RIMKLB: variants seen among roughly 807,000 people sequenced by gnomAD.
RIMKLB encodes beta-citrylglutamate synthase B.
RIMKLB carries 7 observed loss-of-function variants against 32.0 expected under a neutral mutation model. The ratio of observed to expected loss-of-function variants is 0.22; its 90% CI spans 0.12 to 0.41. The LOEUF is 0.41. RIMKLB is among the 10% of genes least tolerant of loss of function. RIMKLB has a pLI of 1.00. For synonymous variants in RIMKLB, 172 were observed against 185.1 expected (o/e 0.93, Z 0.57); for missense variants, 289 against 498.7 (o/e 0.58, Z 4.00).
chr12:8,718,659 A>ATGTGTGTGTG (rs1213938637), intron 2 of RIMKLB, among the ~76,000 whole-genome samples: 206 of 119,338 alleles, frequency 1.7e-3, no homozygotes, highest in African/African-American at 6.4e-3. Flanking sequence ...CTCTCTATAT[A>ATGTGTGTGTG]TATATATATA....
At chr12:8,733,098 T>A (rs917824353) in intron 2 of RIMKLB, among the ~76,000 whole-genome samples, 3 of 152,096 alleles carry the variant, frequency 2.0e-5, no homozygotes, top group Non-Finnish European at 2.9e-5. Flanking sequence ...GAATTGTGAT[T>A]TAGAAATACC....
chr12:8,698,867 G>A (rs1364288053), intron 1 of RIMKLB, among the ~76,000 whole-genome samples: 1 of 152,122 alleles, frequency 6.6e-6, no homozygotes, highest in Non-Finnish European at 1.5e-5. Flanking sequence ...CTCTGAATGA[G>A]AAGGGGATGA....
chr12:8,669,754 G>A, the RIMKLB span, among the ~76,000 whole-genome samples: 1 of 152,072 alleles, frequency 6.6e-6, no homozygotes, highest in African/African-American at 2.4e-5. Flanking sequence ...TCGGCTGGGT[G>A]CGGTGGCTCA....
In RIMKLB at chr12:8,718,663, A is replaced by ATGTGTG. The variant is rs1379997821; in HGVS notation, c.175+4623_175+4624insGTGTGT. Among the ~76,000 whole-genome samples the ATGTGTG allele has an allele frequency of 7.9e-4, 92 of 116,116 alleles. 1 individual carries two copies. Among genetic ancestry groups the ATGTGTG allele is most frequent in the Middle Eastern group, 4.4e-3 (1 of 226 alleles). 76.2% of individuals were successfully genotyped at this position (116,116 alleles called of 152,430 possible). On this transcript the variant is annotated intron_variant, in intron 2 of 5. Transcript: ENST00000535829. The stretch of plus-strand genomic sequence containing the variant: ...TCTCTCTCTCTCTCTCTATATATAT[A>ATGTGTG]TATATATGTGTGTGTGTGTGTGTGT...
chr12:8,698,280 A>G lies in RIMKLB; in HGVS notation c.-74A>G. 1 of 356,318 alleles carries G rather than the reference A, an allele frequency of 2.8e-6. No homozygotes were observed. The highest frequency in any genetic ancestry group is 1.9e-5 in the South Asian group (1 of 53,454). The allele number at this position is 356,318 out of a possible 1,614,324, so 22.1% of individuals were successfully genotyped here. A position where few individuals can be genotyped will look rare whatever the true frequency, so the allele number is the denominator to read the frequency against. ...CGGCTCAGTCGGCCGAGAGCGAGGG[A>G]GGAGCCCCCCGACCCAGGTGAGCGG... On this transcript the variant is annotated 5_prime_UTR_variant, in exon 1 of 6. Coordinates refer to ENST00000535829, the MANE Select transcript of RIMKLB (RefSeq NM_001297776.2).
intron 2 of RIMKLB, among the ~76,000 whole-genome samples, chr12:8,725,707 A>G (rs1445423174): frequency 6.6e-6 from 1 of 152,208 alleles, no homozygotes; most frequent in Non-Finnish European, 1.5e-5. Flanking sequence ...TTAACCATCT[A>G]TGTTCAGGTA....
intron 1 of RIMKLB, among the ~76,000 whole-genome samples, chr12:8,710,965 CAAAAAAA>C (rs748394546): frequency 0.014 from 892 of 65,780 alleles, 15 homozygotes; most frequent in African/African-American, 0.041. Context: ...ACATCTTTAC[CAAAAAAA>C]AAAAAAAAAA....
At chr12:8,700,337 C>T (rs930979239) in intron 1 of RIMKLB, 3 of 152,150 alleles carry the variant, frequency 2.0e-5, no homozygotes, top group African/African-American at 7.2e-5. Context: ...TTTGTATCCA[C>T]CTAGGATTTG....
In RIMKLB at chr12:8,774,360, G is replaced by A. The variant is rs1464410330; in HGVS notation, c.*576G>A. 1.0e-6 allele frequency: 1 copy of A among 985,734 alleles called. No individual in the cohort carries two copies. The highest frequency in any genetic ancestry group is 1.2e-6 in the Non-Finnish European group (1 of 830,012). 61.1% of individuals were successfully genotyped at this position (985,734 alleles called of 1,614,324 possible). ...TGTTTTTTCCCGCTTAATTTGGTGG[G>A]AGGTCAAATTGAATATAACCCAATA... On this transcript the variant is annotated 3_prime_UTR_variant, in exon 6 of 6. Transcript: ENST00000535829.
intron 1 of RIMKLB, among the ~76,000 whole-genome samples, chr12:8,682,523 A>G (rs1942436590): frequency 6.6e-6 from 1 of 152,144 alleles, no homozygotes; most frequent in African/African-American, 2.4e-5. Context: ...CTGTAATCCC[A>G]GCACTTTGGG....
At chr12:8,732,933 C>A (rs141600849) in intron 2 of RIMKLB, among the ~76,000 whole-genome samples, 1 of 151,986 alleles carries the variant, frequency 6.6e-6, no homozygotes, top group Admixed American at 6.6e-5. Context: ...TACAATATAC[C>A]GCATAGGTCT....
At position 8,774,376 on chromosome 12, in the gene RIMKLB, T is replaced by C. The variant is rs1950607687; in HGVS notation, c.*592T>C. The C allele has an allele frequency of 1.0e-6, 1 of 985,782 alleles. No homozygotes were observed. The highest frequency in any genetic ancestry group is 1.2e-6 in the Non-Finnish European group (1 of 829,958). 61.1% of individuals were successfully genotyped at this position (985,782 alleles called of 1,614,324 possible). On this transcript the variant is annotated 3_prime_UTR_variant, in exon 6 of 6. Coordinates refer to ENST00000535829, the MANE Select transcript of RIMKLB (RefSeq NM_001297776.2). Reference sequence around the variant, plus strand: ...ATTTGGTGGGAGGTCAAATTGAATATAACCCAATAAAGGCTTCTTAATGAC... The same window carrying C: ...ATTTGGTGGGAGGTCAAATTGAATACAACCCAATAAAGGCTTCTTAATGAC...
At chr12:8,712,468 C>T (rs1754075600) in intron 1 of RIMKLB, among the ~76,000 whole-genome samples, 1 of 152,012 alleles carries the variant, frequency 6.6e-6, no homozygotes, top group South Asian at 2.1e-4. Flanking sequence ...ACTGCTAACC[C>T]TAGAGCATCC....
chr12:8,680,311 C>A (rs958137478), upstream of RIMKLB, among the ~76,000 whole-genome samples: 14 of 152,132 alleles, frequency 9.2e-5, no homozygotes, highest in African/African-American at 3.4e-4. Flanking sequence ...CGCCCGCCAC[C>A]ACGCCCGGCT....
At chr12:8,686,242 A>G (rs369028100) in intron 1 of RIMKLB, among the ~76,000 whole-genome samples, 55 of 151,692 alleles carry the variant, frequency 3.6e-4, no homozygotes, top group African/African-American at 1.2e-3. Context: ...GGTGTGAGCC[A>G]CCGAGCCCTC....
At chr12:8,701,063 C>CAA (rs11460312) in intron 1 of RIMKLB, among the ~76,000 whole-genome samples, 18 of 148,348 alleles carry the variant, frequency 1.2e-4, no homozygotes, top group African/African-American at 4.0e-4. Flanking sequence ...AAGACTGTCT[C>CAA]AAAAAAAAAG....
In RIMKLB at chr12:8,704,152, C is replaced by T. The variant is rs778450843; in HGVS notation, c.-57+5855C>T. Among the ~76,000 whole-genome samples, 5 of 152,240 alleles carry T rather than the reference C, an allele frequency of 3.3e-5. No homozygotes were observed. In the South Asian group the frequency reaches 1.0e-3, roughly 32 times the overall value. On this transcript the variant is annotated intron_variant, in intron 1 of 5. Transcript: ENST00000535829. ...TAATCCCAACACTGGGAGGCTGAGG[C>T]AGGCGGATCATTTGGGGTCAGGAGT...
At position 8,756,243 on chromosome 12, in the gene RIMKLB, C is replaced by T. The variant is rs1045382859; in HGVS notation, c.697+2150C>T. On this transcript the variant is annotated intron_variant, in intron 5 of 5. Coordinates refer to ENST00000535829, the MANE Select transcript of RIMKLB (RefSeq NM_001297776.2). ...AGCTAAGGCAGAAAGATTGCTTGAG[C>T]CTGGGCGGTCGAGGCTGCAGTGAAC... is the stretch of plus-strand genomic sequence containing the variant. Among the ~76,000 whole-genome samples, 5 of 151,860 alleles carry T rather than the reference C, an allele frequency of 3.3e-5. No individual in the cohort carries two copies. In the East Asian group the frequency reaches 9.6e-4, roughly 29 times the overall value.
upstream of RIMKLB, among the ~76,000 whole-genome samples, chr12:8,695,399 G>A (rs1287884202): frequency 2.0e-5 from 3 of 152,136 alleles, no homozygotes; most frequent in East Asian, 1.9e-4. Context: ...CTGAATGTAT[G>A]TACAGCCTTT....
Sources: gnomAD v4.1 joint callset for allele counts (sites outside exome capture counted in the v4.1 genomes callset) on GRCh38, gnomAD v4.1.1 for gene constraint, MANE v1.5 for transcripts, NCBI Gene and HGNC (gene_info 2026-07-23, HGNC 2026-07-21) for gene names.